The following LRFN3 variants were observed in gnomAD, a reference collection of about 807,000 sequenced individuals.
LRFN3 encodes the protein leucine-rich repeat and fibronectin type-III domain-containing protein 3.
In LRFN3, 8 loss-of-function variants were observed where a neutral mutation model predicts 23.8. The observed-to-expected ratio is 0.34, with a 90% CI of 0.20 to 0.61. The LOEUF (loss-of-function observed/expected upper bound fraction) is 0.61. LRFN3 is among the 20% of genes least tolerant of loss of function. LRFN3 has a pLI of 0.80. For synonymous variants in LRFN3, 451 were observed against 450.6 expected, an observed-to-expected ratio of 1.00 and a Z score of -0.01; for missense variants, 736 against 935.3, an observed-to-expected ratio of 0.79 and a Z score of 2.78.
Position 35,940,448 on chromosome 19 carries a change from C to T in LRFN3, c.1023C>T (p.Ser341=). The change falls in exon 2 of 3, where the codon AGC becomes AGT. Residue 341 remains serine (S), a synonymous_variant. Coordinates refer to ENST00000246529, the MANE Select transcript of LRFN3 (RefSeq NM_024509.2). ...AGGGCCGGCTGCTAGGCAACTCAAG[C>T]CGTGCCCGCGCCTTCCCCAATGGGA... ...SPQGRLLGNS[S]RARAFPNGTL... 1.9e-6 allele frequency: 3 copies of T among 1,604,394 alleles called. No individual in the cohort carries two copies.
chr19:35,941,756 T>G (rs1976124363), intron 2 of LRFN3, among the ~76,000 whole-genome samples: 1 of 152,200 alleles, frequency 6.6e-6, no homozygotes, highest in Non-Finnish European at 1.5e-5. Context: ...TTATTTTTAG[T>G]GGAGACGGGG....
Position 35,936,780 on chromosome 19 carries a change from C to G in LRFN3, c.-792C>G, listed in dbSNP as rs1568513215. On this transcript the variant is annotated 5_prime_UTR_variant, in exon 1 of 3. Coordinates refer to ENST00000246529, the MANE Select transcript of LRFN3 (RefSeq NM_024509.2). ...AATCGGGAATTCCGGAAACCCGAGC[C>G]TGGAACCCTGATCTGGGACCAGCAC... The G allele has an allele frequency of 6.6e-6, 1 of 152,294 alleles. No homozygotes were observed. The highest frequency in any genetic ancestry group is 1.5e-5 in the Non-Finnish European group (1 of 68,096). 9.4% of individuals were successfully genotyped at this position (152,294 alleles called of 1,614,324 possible). A position where few individuals can be genotyped will look rare whatever the true frequency, so the allele number is the denominator to read the frequency against.
rs536159239 is a variant in LRFN3, at chr19:35,944,152, T to C, written c.1416-396T>C. Among the ~76,000 whole-genome samples, 42 of 152,298 alleles carry C rather than the reference T, an allele frequency of 2.8e-4. No homozygotes were observed. Among genetic ancestry groups the C allele is most frequent in the Admixed American group, 2.2e-3 (34 of 15,298 alleles). ...CTGCAGTGAGCTGTGATCATGCCAC[T>C]GCACTCCAGCTTGGGCAACAGAGCA... On this transcript the variant is annotated intron_variant, in intron 2 of 2. Coordinates refer to ENST00000246529, the MANE Select transcript of LRFN3 (RefSeq NM_024509.2). The surrounding 1 kb of genome is among the most constrained non-coding windows in gnomAD (Gnocchi z 4.5).
In LRFN3 at chr19:35,936,465, C is replaced by T. The variant is rs1160580919; in HGVS notation, c.-1107C>T. On this transcript the variant is annotated 5_prime_UTR_variant, in exon 1 of 3. Coordinates refer to ENST00000246529, the MANE Select transcript of LRFN3 (RefSeq NM_024509.2). ...CGCCCAGCCCGGCCCCCGCCCGGCC[C>T]CCGCCTCGGCCCCGGCGGGGGAGGG... 6.6e-6 allele frequency: 1 copy of T among 150,636 alleles called. No individual in the cohort carries two copies. Among genetic ancestry groups the T allele is most frequent in the Non-Finnish European group, 1.5e-5 (1 of 67,452 alleles). The allele number at this position is 150,636 out of a possible 1,614,324, so 9.3% of individuals were successfully genotyped here. A position where few individuals can be genotyped will look rare whatever the true frequency, so the allele number is the denominator to read the frequency against.
rs1183286013 is a variant in LRFN3 at position 35,944,057 on chromosome 19, G to C, written c.1416-491G>C. Among the ~76,000 whole-genome samples the C allele has an allele frequency of 6.6e-6, 1 of 152,214 alleles. No individual in the cohort carries two copies. The highest frequency in any genetic ancestry group is 2.4e-5 in the African/African-American group (1 of 41,446). ...ATTTAAAAATTAGCTGGGCATGGTA[G>C]TGCACACCTGTAGTTCCTGCTACTC... is the stretch of plus-strand genomic sequence containing the variant. On this transcript the variant is annotated intron_variant, in intron 2 of 2. Coordinates refer to ENST00000246529, the MANE Select transcript of LRFN3 (RefSeq NM_024509.2). The surrounding 1 kb of genome is among the most constrained non-coding windows in gnomAD (Gnocchi z 4.5).
In LRFN3 at chr19:35,939,282, T is replaced by G; in HGVS notation, c.-16-128T>G. On this transcript the variant is annotated intron_variant, in intron 1 of 2. Coordinates refer to ENST00000246529, the MANE Select transcript of LRFN3 (RefSeq NM_024509.2). The surrounding 1 kb of genome is among the most constrained non-coding windows in gnomAD (Gnocchi z 6.4). ...CGCCTGGCCTTCCTCTGGCTTTTGG[T>G]CACATCTGACGGTCTTTGACCAGCC... The G allele has an allele frequency of 2.0e-6, 2 of 1,005,658 alleles. No homozygotes were observed. Among genetic ancestry groups the G allele is most frequent in the Non-Finnish European group, 2.8e-6 (2 of 704,436 alleles). 62.3% of individuals were successfully genotyped at this position (1,005,658 alleles called of 1,614,324 possible). A position where few individuals can be genotyped will look rare whatever the true frequency, so the allele number is the denominator to read the frequency against.
In LRFN3 at chr19:35,939,971, C is replaced by CA; in HGVS notation, c.548dup (p.Asn183LysfsTer178). ...AGGCCCTGGGCCGCCTGGGCAACGT[C>CA]AACACGTTGGGCCTCGACCACAACC... On this transcript the variant is annotated frameshift_variant, in exon 2 of 3. Coordinates refer to ENST00000246529, the MANE Select transcript of LRFN3 (RefSeq NM_024509.2). LOFTEE classifies it high-confidence loss of function. This position sits in a 1 kb window ranked among gnomAD's most constrained non-coding sequence, Gnocchi z 6.4. The CA allele has an allele frequency of 6.2e-7, 1 of 1,610,414 alleles. No homozygotes were observed. Among genetic ancestry groups the CA allele is most frequent in the Non-Finnish European group, 8.5e-7 (1 of 1,179,886 alleles).
chr19:35,938,558 G>A (rs531410052), intron 1 of LRFN3, among the ~76,000 whole-genome samples: 3 of 152,000 alleles, frequency 2.0e-5, no homozygotes, highest in Admixed American at 6.6e-5. Context: ...TGATCATCTC[G>A]AACATCTCTG....
Position 35,945,100 on chromosome 19 carries a change from C to A in LRFN3, c.*81C>A. ...ACCCTGTGGGACCTGGCCTCAAACT[C>A]ACCAAATCGCTCATGGTTTTTAAAA... On this transcript the variant is annotated 3_prime_UTR_variant, in exon 3 of 3. Transcript: ENST00000246529. 1.3e-6 allele frequency: 1 copy of A among 798,414 alleles called. No homozygotes were observed. 49.5% of individuals were successfully genotyped at this position (798,414 alleles called of 1,614,324 possible).
Position 35,944,934 on chromosome 19 carries a change from C to T in LRFN3, c.1802C>T (p.Pro601Leu), listed in dbSNP as rs769382499. ...ACGCCCACGCCCGCCCCGCCCGCCCCGGAGCCCGCGGCGCTCAGGGCCCAC... is the reference window on the plus strand; with the variant it reads ...ACGCCCACGCCCGCCCCGCCCGCCCTGGAGCCCGCGGCGCTCAGGGCCCAC... ...GPTPTPAPPA[P>L]EPAALRAHTV... Residue 601 changes from proline (P) to leucine (L), a missense_variant, in exon 3 of 3, where the codon CCG becomes CTG. This residue lies in a region of LRFN3 where 290 missense variants were observed against 287.4 expected (regional missense o/e 1.01). Coordinates refer to ENST00000246529, the MANE Select transcript of LRFN3 (RefSeq NM_024509.2). The surrounding 1 kb of genome is among the most constrained non-coding windows in gnomAD (Gnocchi z 4.5). The T allele has an allele frequency of 5.4e-5, 81 of 1,513,734 alleles. No homozygotes were observed. Among genetic ancestry groups the T allele is most frequent in the Non-Finnish European group, 6.7e-5 (76 of 1,140,670 alleles). The allele number at this position is 1,513,734 out of a possible 1,614,324, so 93.8% of individuals were successfully genotyped here. A position where few individuals can be genotyped will look rare whatever the true frequency, so the allele number is the denominator to read the frequency against.
At chr19:35,937,968 G>A (rs546754951) in intron 1 of LRFN3, among the ~76,000 whole-genome samples, 36 of 152,006 alleles carry the variant, frequency 2.4e-4, no homozygotes, top group East Asian at 9.7e-4. Flanking sequence ...CTCTCCAGTC[G>A]CCTCTGCCTG....
In LRFN3 at chr19:35,944,541, C is replaced by G. The variant is rs760821361; in HGVS notation, c.1416-7C>G. 1 of 1,435,714 alleles carries G rather than the reference C, an allele frequency of 7.0e-7. No homozygotes were observed. Among genetic ancestry groups the G allele is most frequent in the Non-Finnish European group, 9.1e-7 (1 of 1,099,372 alleles). 88.9% of individuals were successfully genotyped at this position (1,435,714 alleles called of 1,614,324 possible). A position where few individuals can be genotyped will look rare whatever the true frequency, so the allele number is the denominator to read the frequency against. On this transcript the variant is annotated splice_polypyrimidine_tract_variant and splice_region_variant and intron_variant, in intron 2 of 2. Coordinates refer to ENST00000246529, the MANE Select transcript of LRFN3 (RefSeq NM_024509.2). The surrounding 1 kb of genome is among the most constrained non-coding windows in gnomAD (Gnocchi z 4.5). Reference sequence around the variant, plus strand: ...TGAGACCTGACCCCCACCTGCCTGCCCTGCAGGATGATCCCGGCGGAGAGC... The same window carrying G: ...TGAGACCTGACCCCCACCTGCCTGCGCTGCAGGATGATCCCGGCGGAGAGC...
At position 35,944,665 on chromosome 19, in the gene LRFN3, G is replaced by A. The variant is rs545386168; in HGVS notation, c.1533G>A (p.Arg511=). Residue 511 remains arginine (R), a synonymous_variant, in exon 3 of 3, where the codon CGG becomes CGA. Transcript: ENST00000246529. This position sits in a 1 kb window ranked among gnomAD's most constrained non-coding sequence, Gnocchi z 4.5. ...GCGCCACGGGGCTCACGGCCACGCG[G>A]CCTGTGGGCTGCGCCCGCTTCTCCA... ...EDSATGLTAT[R]PVGCARFSTE... 3 of 1,593,980 alleles carry A rather than the reference G, an allele frequency of 1.9e-6. No homozygotes were observed. The highest frequency in any genetic ancestry group is 8.5e-7 in the Non-Finnish European group (1 of 1,173,848).
Position 35,944,981 on chromosome 19 carries a change from G to A in LRFN3, c.1849G>A (p.Glu617Lys). The A allele has an allele frequency of 7.1e-7, 1 of 1,405,454 alleles. No homozygotes were observed. The allele number at this position is 1,405,454 out of a possible 1,614,324, so 87.1% of individuals were successfully genotyped here. Residue 617 changes from glutamate to lysine, a missense_variant, in exon 3 of 3, where the codon GAG becomes AAG. Glu to Lys is a moderately conservative substitution (Grantham distance 56, BLOSUM62 1). Transcript: ENST00000246529. The surrounding 1 kb of genome is among the most constrained non-coding windows in gnomAD (Gnocchi z 4.5). ...CCACACCGTGGTCCAGCTGGACTGC[G>A]AGCCCTGGGGGCCCGGCCACGAACC... Reference protein sequence around the residue: ...RAHTVVQLDCEPWGPGHEPVG... With the variant: ...RAHTVVQLDCKPWGPGHEPVG...
chr19:35,938,468 C>T (rs900251305), intron 1 of LRFN3, among the ~76,000 whole-genome samples: 1 of 151,774 alleles, frequency 6.6e-6, no homozygotes, highest in African/African-American at 2.4e-5. Flanking sequence ...CATCTCTGGC[C>T]ACCTCTTCTC....
At position 35,936,884 on chromosome 19, in the gene LRFN3, T is replaced by G. The variant is rs1457988562; in HGVS notation, c.-688T>G. The G allele has an allele frequency of 6.6e-6, 1 of 152,134 alleles. No homozygotes were observed. Among genetic ancestry groups the G allele is most frequent in the Non-Finnish European group, 1.5e-5 (1 of 68,038 alleles). 9.4% of individuals were successfully genotyped at this position (152,134 alleles called of 1,614,324 possible). A position where few individuals can be genotyped will look rare whatever the true frequency, so the allele number is the denominator to read the frequency against. ...GGGCTGGAATCTCAACATCGGTCAC[T>G]GGGACCTCAATATTTGGAGCCGGAA... is the stretch of plus-strand genomic sequence containing the variant. On this transcript the variant is annotated 5_prime_UTR_variant, in exon 1 of 3. Coordinates refer to ENST00000246529, the MANE Select transcript of LRFN3 (RefSeq NM_024509.2).
At chr19:35,943,299 G>A (rs1976142265) in intron 2 of LRFN3, among the ~76,000 whole-genome samples, 1 of 152,186 alleles carries the variant, frequency 6.6e-6, no homozygotes, top group Non-Finnish European at 1.5e-5. Flanking sequence ...AGAGATAAAA[G>A]AGAAGCAGGT....
rs529471562 is a variant in LRFN3, at chr19:35,944,827, C to T, written c.1695C>T (p.His565=). 10 of 1,607,900 alleles carry T rather than the reference C, an allele frequency of 6.2e-6. No homozygotes were observed. The highest frequency in any genetic ancestry group is 4.4e-5 in the South Asian group (4 of 90,952). Reference sequence around the variant, plus strand: ...TGCTGCTAATGCGCTACAAGGTGCACGGCGGCCAGCCCCCCGGCAAGGCCA... The same window carrying T: ...TGCTGCTAATGCGCTACAAGGTGCATGGCGGCCAGCCCCCCGGCAAGGCCA... ...IFVLLMRYKV[H]GGQPPGKAKI... is the part of the protein sequence containing the mutation. Residue 565 remains histidine (H), a synonymous_variant, in exon 3 of 3, where the codon CAC becomes CAT. Coordinates refer to ENST00000246529, the MANE Select transcript of LRFN3 (RefSeq NM_024509.2). This position sits in a 1 kb window ranked among gnomAD's most constrained non-coding sequence, Gnocchi z 4.5.
chr19:35,939,373 C>T lies in LRFN3; in HGVS notation c.-16-37C>T. On this transcript the variant is annotated intron_variant, in intron 1 of 2. Coordinates refer to ENST00000246529, the MANE Select transcript of LRFN3 (RefSeq NM_024509.2). The surrounding 1 kb of genome is among the most constrained non-coding windows in gnomAD (Gnocchi z 6.4). ...AGACCACCCCCAGCCCCTGCAGAACCCCTCTTCTGCCCTCACGCCTCCCCT... is the reference window on the plus strand; with the variant it reads ...AGACCACCCCCAGCCCCTGCAGAACTCCTCTTCTGCCCTCACGCCTCCCCT... The T allele has an allele frequency of 6.5e-7, 1 of 1,527,666 alleles. No homozygotes were observed. Among genetic ancestry groups the T allele is most frequent in the Non-Finnish European group, 8.8e-7 (1 of 1,139,080 alleles). 94.6% of individuals were successfully genotyped at this position (1,527,666 alleles called of 1,614,324 possible). A position where few individuals can be genotyped will look rare whatever the true frequency, so the allele number is the denominator to read the frequency against.
Sources: allele counts gnomAD v4.1 joint callset (sites outside exome capture counted in the v4.1 genomes callset), GRCh38; gene constraint gnomAD v4.1.1; regional missense constraint gnomAD v4.1.1; non-coding constraint Gnocchi (gnomAD v3.1); transcripts MANE v1.5; gene names NCBI Gene and HGNC (gene_info 2026-07-23, HGNC 2026-07-21).